Variants in MGAT5 observed in about 807,000 individuals in gnomAD.
MGAT5 encodes alpha-1,6-mannosylglycoprotein 6-beta-N-acetylglucosaminyltransferase, also known as alpha-1,6-mannosylglycoprotein 6-beta-N-acetylglucosaminyltransferase A.
MGAT5 carries 30 observed loss-of-function variants against 94.3 expected under a neutral mutation model. The observed-to-expected ratio is 0.32, with a 90% CI of 0.24 to 0.43. MGAT5 has a LOEUF of 0.43. Ranked by LOEUF, MGAT5 falls within the 20% of genes least tolerant of loss-of-function variation. The probability of loss-of-function intolerance (pLI) is 1.00; values close to 1 mark genes in which losing one functional copy is unlikely to be tolerated. For synonymous variants in MGAT5, 310 were observed against 322.9 expected, an observed-to-expected ratio of 0.96 and a Z score of 0.43; for missense variants, 691 against 905.5, an observed-to-expected ratio of 0.76 and a Z score of 3.04.
rs558385515 is a variant in MGAT5 at position 134,376,455 on chromosome 2, G to A, written c.1380+14047G>A. Among the ~76,000 whole-genome samples, 4 of 152,160 alleles carry A rather than the reference G, an allele frequency of 2.6e-5. No homozygotes were observed. In the South Asian group the frequency reaches 6.2e-4, roughly 24 times the overall value. On this transcript the variant is annotated intron_variant, in intron 10 of 15. Coordinates refer to ENST00000281923, the MANE Select transcript of MGAT5 (RefSeq NM_002410.5). ...TTATTTTCTTATTCTTAATGATAAC[G>A]TTTACTTCGAAGGAGTTGGCAAATG...
At position 134,268,894 on chromosome 2, in the gene MGAT5, ACT is replaced by A. The variant is rs1683866078; in HGVS notation, c.242-1489_242-1488del. ...TTAACCACTGTGTTATGGATGAAAG[ACT>A]CTGAACTTCACCCTTGGTTTCTTTT... On this transcript the variant is annotated intron_variant, in intron 1 of 15. Coordinates refer to ENST00000281923, the MANE Select transcript of MGAT5 (RefSeq NM_002410.5). The surrounding 1 kb of genome is among the most constrained non-coding windows in gnomAD (Gnocchi z 4.1). 6.6e-6 allele frequency among the ~76,000 whole-genome samples: 1 copy of A among 151,802 alleles called. No individual in the cohort carries two copies. Among genetic ancestry groups the A allele is most frequent in the East Asian group, 1.9e-4 (1 of 5,152 alleles).
chr2:134,328,226 C>T (rs947072857), intron 4 of MGAT5, among the ~76,000 whole-genome samples: 2 of 152,092 alleles, frequency 1.3e-5, no homozygotes, highest in Non-Finnish European at 2.9e-5. Context: ...TCTGCACCCC[C>T]CCTCACCCCT....
At chr2:134,247,934 A>G (rs1020912007) in intron 1 of MGAT5, among the ~76,000 whole-genome samples, 2 of 152,154 alleles carry the variant, frequency 1.3e-5, no homozygotes, top group African/African-American at 4.8e-5. Flanking sequence ...GCCTCCAAGA[A>G]AGGTTCCCGG....
At chr2:134,171,841 G>A (rs1381685782) in intron 1 of MGAT5, among the ~76,000 whole-genome samples, 1 of 152,162 alleles carries the variant, frequency 6.6e-6, no homozygotes, top group Non-Finnish European at 1.5e-5. Flanking sequence ...GAGAGCTGGG[G>A]TATTTGCTCT....
intron 1 of MGAT5, among the ~76,000 whole-genome samples, chr2:134,159,846 C>G (rs1297252847): frequency 6.6e-6 from 1 of 152,194 alleles, no homozygotes; most frequent in African/African-American, 2.4e-5. Context: ...TTAAGCACTA[C>G]TTTAGCTCCT....
At chr2:134,433,340 G>A (rs904194413) in intron 14 of MGAT5, among the ~76,000 whole-genome samples, 18 of 152,208 alleles carry the variant, frequency 1.2e-4, no homozygotes, top group African/African-American at 4.3e-4. Flanking sequence ...TGTGGTAGGT[G>A]CTGTTGTGAA....
At chr2:134,313,153 A>G (rs900880067) in intron 2 of MGAT5, among the ~76,000 whole-genome samples, 1 of 150,786 alleles carries the variant, frequency 6.6e-6, no homozygotes, top group African/African-American at 2.5e-5. Context: ...GTGAAATGCC[A>G]TTGTTTCCCT....
At chr2:134,337,402 CA>C (rs1273639972) in intron 5 of MGAT5, among the ~76,000 whole-genome samples, 2 of 152,074 alleles carry the variant, frequency 1.3e-5, no homozygotes, top group African/African-American at 4.8e-5. Flanking sequence ...CGCTTGAGCG[CA>C]AGTTCAAGGC....
At chr2:134,423,192 T>A (rs1205402576) in intron 13 of MGAT5, among the ~76,000 whole-genome samples, 2 of 152,204 alleles carry the variant, frequency 1.3e-5, no homozygotes. Flanking sequence ...ACTGGAGTCA[T>A]ACTTGGTTCA....
intron 13 of MGAT5, among the ~76,000 whole-genome samples, chr2:134,427,725 G>C (rs545998436): frequency 6.6e-6 from 1 of 152,198 alleles, no homozygotes; most frequent in Non-Finnish European, 1.5e-5. Context: ...AGCATGAGTA[G>C]AAGTCTGCTT....
At chr2:134,390,398 CA>C (rs1383415843) in intron 10 of MGAT5, among the ~76,000 whole-genome samples, 1 of 152,176 alleles carries the variant, frequency 6.6e-6, no homozygotes, top group African/African-American at 2.4e-5. Flanking sequence ...TACATGTGCA[CA>C]ACGTGCAGGT....
intron 4 of MGAT5, among the ~76,000 whole-genome samples, chr2:134,325,650 C>T (rs1323990470): frequency 6.6e-6 from 1 of 152,128 alleles, no homozygotes; most frequent in Admixed American, 6.6e-5. Context: ...AATTCCTTCA[C>T]ATCAGATTAG....
intron 1 of MGAT5, among the ~76,000 whole-genome samples, chr2:134,153,214 C>G (rs998647913): frequency 6.6e-6 from 1 of 152,090 alleles, no homozygotes; most frequent in Non-Finnish European, 1.5e-5. Flanking sequence ...GCCACCACGC[C>G]GGGCCAGAGT....
At chr2:134,217,085 G>T (rs1680532553) in intron 1 of MGAT5, among the ~76,000 whole-genome samples, 1 of 152,050 alleles carries the variant, frequency 6.6e-6, no homozygotes, top group South Asian at 2.1e-4. Context: ...GATCCTTAGG[G>T]GCCCCATGTT....
intron 1 of MGAT5, among the ~76,000 whole-genome samples, chr2:134,246,507 G>A (rs1682270649): frequency 6.6e-6 from 1 of 152,146 alleles, no homozygotes. Context: ...GATGAAGACT[G>A]CCCCCCACCA....
At chr2:134,351,615 A>G (rs1679389811) in intron 9 of MGAT5, among the ~76,000 whole-genome samples, 1 of 152,200 alleles carries the variant, frequency 6.6e-6, no homozygotes, top group Admixed American at 6.5e-5. Flanking sequence ...CACTGCTTAA[A>G]ATGTAACTGA....
intron 9 of MGAT5, among the ~76,000 whole-genome samples, chr2:134,353,868 C>T (rs3791289): frequency 0.71 from 107,530 of 152,072 alleles, 38,906 homozygotes; most frequent in South Asian, 0.83. Flanking sequence ...TTGAGATGTG[C>T]CTGAGCTGGA....
chr2:134,361,929 G>T (rs1680123062), intron 9 of MGAT5, among the ~76,000 whole-genome samples: 1 of 152,226 alleles, frequency 6.6e-6, no homozygotes, highest in African/African-American at 2.4e-5. Flanking sequence ...AGTAGGTGGT[G>T]AAACCTGGGT....
intron 2 of MGAT5, among the ~76,000 whole-genome samples, chr2:134,290,463 T>C (rs930086224): frequency 3.3e-5 from 5 of 152,220 alleles, no homozygotes; most frequent in Non-Finnish European, 7.3e-5. Flanking sequence ...CCTTCCTGTG[T>C]CTTTTCCACA....
Sources: gnomAD v4.1 joint callset for allele counts (sites outside exome capture counted in the v4.1 genomes callset) on GRCh38, gnomAD v4.1.1 for gene constraint, Gnocchi (gnomAD v3.1) non-coding constraint, MANE v1.5 for transcripts, NCBI Gene and HGNC (gene_info 2026-07-23, HGNC 2026-07-21) for gene names.